CCDC150: variants seen among roughly 807,000 people sequenced by gnomAD.
The protein encoded by CCDC150 is coiled-coil domain-containing protein 150.
Under a neutral mutation model 156.5 loss-of-function variants are expected in CCDC150, and 151 were observed. The observed-to-expected ratio is 0.97, with a 90% confidence interval of 0.85 to 1.10. CCDC150 has a LOEUF of 1.10. Among genes scored for constraint, CCDC150 ranks in the 50% least tolerant of loss-of-function variants. CCDC150 has a pLI of 0.00. For missense variants in CCDC150, 1,312 were observed against 1,268.1 expected, an observed-to-expected ratio of 1.03 and a Z score of -0.53; for synonymous variants, 452 against 429.4, an observed-to-expected ratio of 1.05 and a Z score of -0.65.
intron 14 of CCDC150, 141 bp from the exon 15 acceptor site, chr2:196,700,968 C>T (rs1696165719): frequency 1.6e-6 from 1 of 610,264 alleles, no homozygotes; most frequent in Admixed American, 3.3e-5. Context: ...TAGGAAAAGA[C>T]TAAAAGCAGC....
chr2:196,681,003 G>A (rs1694782813), intron 13 of CCDC150, among the ~76,000 whole-genome samples: 2 of 152,176 alleles, frequency 1.3e-5, no homozygotes, highest in Non-Finnish European at 2.9e-5. Flanking sequence ...GAACAATTCA[G>A]TGGTATTCAG....
At chr2:196,696,069 C>T (rs572963271) in intron 14 of CCDC150, among the ~76,000 whole-genome samples, 1 of 152,144 alleles carries the variant, frequency 6.6e-6, no homozygotes, top group Non-Finnish European at 1.5e-5. Flanking sequence ...AAGTCTAAAT[C>T]TTCTTATATG....
At chr2:196,721,753 C>A in intron 21 of CCDC150, 62 bp downstream of exon 21, 1 of 1,300,606 alleles carries the variant, frequency 7.7e-7, no homozygotes, top group Non-Finnish European at 1.0e-6. Flanking sequence ...AGTCACATTC[C>A]CATAAATGGC....
At chr2:196,666,348 G>A (rs973780598) in intron 6 of CCDC150, among the ~76,000 whole-genome samples, 1 of 152,112 alleles carries the variant, frequency 6.6e-6, no homozygotes, top group African/African-American at 2.4e-5. Context: ...ATTATAACAA[G>A]GATTCTACTT....
intron 14 of CCDC150, among the ~76,000 whole-genome samples, chr2:196,698,021 T>C (rs1250537163): frequency 6.6e-6 from 1 of 152,226 alleles, no homozygotes; most frequent in African/African-American, 2.4e-5. Flanking sequence ...GTTTCTGTTT[T>C]GCTCTGTGTA....
chr2:196,641,108 GCACGCCAC>G (rs1352792038), intron 1 of CCDC150, among the ~76,000 whole-genome samples: 1 of 152,010 alleles, frequency 6.6e-6, no homozygotes, highest in Non-Finnish European at 1.5e-5. Flanking sequence ...AACTACAGGA[GCACGCCAC>G]CACGCCCGGC....
At chr2:196,689,066 G>C (rs1235498109) in intron 13 of CCDC150, among the ~76,000 whole-genome samples, 1 of 151,982 alleles carries the variant, frequency 6.6e-6, no homozygotes, top group African/African-American at 2.4e-5. Flanking sequence ...GATATGCGGC[G>C]TTATTTCTGA....
chr2:196,689,655 C>T (rs374457765), intron 13 of CCDC150, among the ~76,000 whole-genome samples: 11,942 of 148,688 alleles, frequency 0.08, 605 homozygotes, highest in African/African-American at 0.15. Context: ...GCTGAGACAA[C>T]GGGGTTTTCT....
At chr2:196,724,960 G>C (rs1196580210) in intron 21 of CCDC150, among the ~76,000 whole-genome samples, 1 of 152,166 alleles carries the variant, frequency 6.6e-6, no homozygotes, top group Non-Finnish European at 1.5e-5. Context: ...ATGTACCAAA[G>C]TATATTGATA....
At chr2:196,705,935 T>C (rs1026690993) in intron 15 of CCDC150, among the ~76,000 whole-genome samples, 2 of 152,258 alleles carry the variant, frequency 1.3e-5, no homozygotes, top group East Asian at 3.8e-4. Flanking sequence ...GCCAGTACCA[T>C]GCTGTTTTGG....
chr2:196,676,589 A>G lies in CCDC150; in HGVS notation c.1298A>G (p.Gln433Arg), dbSNP rs373509936. 6 of 1,613,640 alleles carry G rather than the reference A, an allele frequency of 3.7e-6. No individual in the cohort carries two copies. In the African/African-American group the frequency reaches 8.0e-5, roughly 22 times the overall value. ...HLILEHNQCI[Q>R]KAQDAEKRTA... Reference sequence around the variant, plus strand: ...ATCCTTGAGCATAACCAGTGTATCCAGAAAGCACAGGATGCTGAAAAGAGA... The same window carrying G: ...ATCCTTGAGCATAACCAGTGTATCCGGAAAGCACAGGATGCTGAAAAGAGA... The change falls in exon 12 of 28, where the codon CAG (glutamine) becomes CGG (arginine). Residue 433 changes from glutamine (Q) to arginine (R), a missense_variant. Transcript: ENST00000389175.
chr2:196,676,120 C>G, intron 10 of CCDC150, 23 bp from the exon 11 acceptor site: 1 of 1,612,208 alleles, frequency 6.2e-7, no homozygotes, highest in Non-Finnish European at 8.5e-7. Flanking sequence ...GCTTCAACTT[C>G]TAATATTGCT....
In CCDC150 at chr2:196,726,051, A is replaced by G. The variant is rs1332176728; in HGVS notation, c.2508A>G (p.Gln836=). The change falls in exon 22 of 28, where the codon CAA becomes CAG. Residue 836 remains glutamine, a synonymous_variant. Coordinates refer to ENST00000389175, the MANE Select transcript of CCDC150 (RefSeq NM_001080539.2). ...ERIEALRKQF[Q]TERETTKKVA... Reference sequence around the variant, plus strand: ...TAGAAGCTCTAAGAAAGCAGTTTCAAACCGAGAGAGAAACTACAAAGAAAG... The same window carrying G: ...TAGAAGCTCTAAGAAAGCAGTTTCAGACCGAGAGAGAAACTACAAAGAAAG... The G allele has an allele frequency of 1.2e-6, 2 of 1,612,576 alleles. No individual in the cohort carries two copies. Among genetic ancestry groups the G allele is most frequent in the Non-Finnish European group, 1.7e-6 (2 of 1,179,334 alleles).
intron 5 of CCDC150, among the ~76,000 whole-genome samples, chr2:196,665,270 CTT>C (rs1368609033): frequency 6.6e-6 from 1 of 152,124 alleles, no homozygotes; most frequent in Non-Finnish European, 1.5e-5. Context: ...TCTTTCTACT[CTT>C]TTATTTTTTC....
intron 5 of CCDC150, among the ~76,000 whole-genome samples, chr2:196,661,936 G>A (rs1294483233): frequency 1.3e-5 from 2 of 152,110 alleles, no homozygotes; most frequent in East Asian, 3.8e-4. Flanking sequence ...ATTTAAAAGA[G>A]TGAAATATTT....
chr2:196,687,376 T>C (rs983122351), intron 13 of CCDC150, among the ~76,000 whole-genome samples: 1 of 152,232 alleles, frequency 6.6e-6, no homozygotes, highest in African/African-American at 2.4e-5. Context: ...TTCAGTGATG[T>C]TGAGCTTTCT....
At chr2:196,712,392 T>C in intron 16 of CCDC150, 140 bp downstream of exon 16, 2 of 581,176 alleles carry the variant, frequency 3.4e-6, no homozygotes, top group Non-Finnish European at 6.1e-6. Context: ...AAACTTTTTT[T>C]CAAGCACCTA....
intron 14 of CCDC150, among the ~76,000 whole-genome samples, chr2:196,700,486 G>A (rs1696134766): frequency 6.6e-6 from 1 of 152,008 alleles, no homozygotes. Context: ...TTTTTCTGAT[G>A]TAGTCTGAGA....
At chr2:196,652,735 TGCCCTAGCAGAA>T (rs1163029401) in intron 2 of CCDC150, among the ~76,000 whole-genome samples, 1 of 152,270 alleles carries the variant, frequency 6.6e-6, no homozygotes, top group Admixed American at 6.5e-5. Flanking sequence ...CCTTCAGTGC[TGCCCTAGCAGAA>T]GCCTGTTGCA....
Sources: gnomAD v4.1 joint callset for allele counts (sites outside exome capture counted in the v4.1 genomes callset) on GRCh38, gnomAD v4.1.1 for gene constraint, MANE v1.5 for transcripts, NCBI Gene and HGNC (gene_info 2026-07-23, HGNC 2026-07-21) for gene names.